The following TYK2 variants were observed in gnomAD, a reference collection of about 807,000 sequenced individuals.
TYK2 encodes the protein tyrosine kinase 2.
A neutral mutation model predicts 130.9 loss-of-function variants in TYK2; 65 were observed. The observed-to-expected ratio is 0.50, with a 90% CI of 0.41 to 0.61. The LOEUF is 0.61. Among genes scored for constraint, TYK2 ranks in the 20% least tolerant of loss-of-function variants. The probability of loss-of-function intolerance (pLI) is 0.00; values close to 1 mark genes in which losing one functional copy is unlikely to be tolerated. For missense variants in TYK2, 1,378 were observed against 1,610.7 expected (o/e 0.86, Z 2.47); for synonymous variants, 647 against 658.9 (o/e 0.98, Z 0.28).
intron 3 of TYK2, among the ~76,000 whole-genome samples, chr19:10,371,281 A>C (rs2041898019): frequency 6.6e-6 from 1 of 151,704 alleles, no homozygotes; most frequent in Non-Finnish European, 1.5e-5. Flanking sequence ...TACAGGCATA[A>C]GCCAGTGTGC....
At chr19:10,352,361 C>T (rs1245388865) in intron 23 of TYK2, 73 bp downstream of exon 23, 2 of 1,047,362 alleles carry the variant, frequency 1.9e-6, no homozygotes, top group Admixed American at 1.7e-5. Flanking sequence ...CTTGAGCCAC[C>T]GCGCCTGGCC....
At position 10,378,292 on chromosome 19, in the gene TYK2, C is replaced by T. The variant is rs201283990; in HGVS notation, c.115G>A (p.Gly39Ser). The change falls in exon 3 of 25, where the codon GGC becomes AGC. Residue 39 changes from glycine to serine, a missense_variant. By Grantham distance (56) the Gly-to-Ser change is moderately conservative. Transcript: ENST00000525621. ...CTGAAAGTGACCCAGGGCTCCCCGC[C>T]GCCTGGACCAGCCCAGTGCAGAAGC... ...KVLLHWAGPG[G>S]GEPWVTFSES... 63 of 1,612,912 alleles carry T rather than the reference C, an allele frequency of 3.9e-5. 3 individuals are homozygous for T. In the Middle Eastern group the frequency reaches 6.6e-4, roughly 17 times the overall value.
Position 10,354,248 on chromosome 19 carries a change from C to G in TYK2, c.2716-14G>C. On this transcript the variant is annotated splice_polypyrimidine_tract_variant and intron_variant, in intron 19 of 24. Coordinates refer to ENST00000525621, the MANE Select transcript of TYK2 (RefSeq NM_003331.5). The stretch of plus-strand genomic sequence containing the variant: ...GCCGAAGTGACCCTGGTCGGGAGCG[C>G]ACGAGGGTCAGCTCCACCTCCCCAA... 1 of 1,609,286 alleles carries G rather than the reference C, an allele frequency of 6.2e-7. No individual in the cohort carries two copies. Among genetic ancestry groups the G allele is most frequent in the Non-Finnish European group, 8.5e-7 (1 of 1,179,910 alleles).
In TYK2 at chr19:10,361,639, C is replaced by A. The variant is rs371170644; in HGVS notation, c.1960-41G>T. 2.3e-4 allele frequency: 358 copies of A among 1,555,902 alleles called. No homozygotes were observed. Among genetic ancestry groups the A allele is most frequent in the Non-Finnish European group, 2.7e-4 (308 of 1,153,010 alleles). The stretch of plus-strand genomic sequence containing the variant: ...AGGTCAGGTGGCTGCAAAGCCGACC[C>A]CTCCCATCCCACCTCCTCCACGGAC... On this transcript the variant is annotated intron_variant, in intron 13 of 24. Transcript: ENST00000525621. The surrounding 1 kb of genome is among the most constrained non-coding windows in gnomAD (Gnocchi z 4.0).
At chr19:10,354,469 C>T (rs756751182) in intron 19 of TYK2, 43 bp downstream of exon 19, 1 of 1,580,934 alleles carries the variant, frequency 6.3e-7, no homozygotes, top group East Asian at 2.2e-5. Flanking sequence ...CAAACTCCTT[C>T]CCGACCAGGC....
chr19:10,365,870 G>A lies in TYK2; in HGVS notation c.658C>T (p.Arg220Cys), dbSNP rs557436288. ...GCGCTGTGCTGCCGGATATGCCGGC[G>A]GAAGGAGCGCGGGATGCAGTCCTTG... ...SFKDCIPRSF[R>C]RHIRQHSALT... The change falls in exon 7 of 25, where the codon CGC becomes TGC. Residue 220 changes from arginine (R) to cysteine (C), a missense_variant. By Grantham distance (180) the Arg-to-Cys change is radical. Transcript: ENST00000525621. The A allele has an allele frequency of 2.0e-5, 32 of 1,611,602 alleles. No individual in the cohort carries two copies. Among genetic ancestry groups the A allele is most frequent in the African/African-American group, 4.0e-5 (3 of 74,924 alleles).
chr19:10,368,529 C>G (rs575878759), intron 3 of TYK2, 111 bp from the exon 4 acceptor site: 34 of 1,518,290 alleles, frequency 2.2e-5, no homozygotes, highest in East Asian at 1.8e-4. Flanking sequence ...CCCCCTCCCC[C>G]ACCTGCAGCT....
Position 10,354,026 on chromosome 19 carries a change from GC to G in TYK2, c.2908+15del. On this transcript the variant is annotated intron_variant, in intron 20 of 24. Transcript: ENST00000525621. ...ACGCCCCCTCAAGTCTCTAGGACTC[GC>G]CGGGTCCCGCCCACCTTGGTCCTCG... 5.6e-6 allele frequency: 9 copies of G among 1,613,360 alleles called. No individual in the cohort carries two copies. The highest frequency in any genetic ancestry group is 7.6e-6 in the Non-Finnish European group (9 of 1,179,686).
At chr19:10,365,124 G>C in intron 7 of TYK2, 76 bp from the exon 8 acceptor site, 2 of 1,457,884 alleles carry the variant, frequency 1.4e-6, no homozygotes, top group Non-Finnish European at 1.8e-6. Flanking sequence ...CCCCTGGGGA[G>C]AGACTGGAGC....
rs760214050 is a variant in TYK2 at position 10,368,426 on chromosome 19, A to C, written c.194-8T>G. ...AGCAAGGAGGAGTGATACCTGGATC[A>C]GGTGAGAAACGAGGTCAGGAGTCAC... On this transcript the variant is annotated splice_polypyrimidine_tract_variant and splice_region_variant and intron_variant, in intron 3 of 24. Coordinates refer to ENST00000525621, the MANE Select transcript of TYK2 (RefSeq NM_003331.5). 1.2e-6 allele frequency: 2 copies of C among 1,614,102 alleles called. No homozygotes were observed. Among genetic ancestry groups the C allele is most frequent in the Non-Finnish European group, 1.7e-6 (2 of 1,179,974 alleles).
intron 9 of TYK2, 35 bp from the exon 10 acceptor site, chr19:10,362,692 T>G (rs1396361913): frequency 6.5e-7 from 1 of 1,532,236 alleles, no homozygotes; most frequent in Admixed American, 2.0e-5. Context: ...TCAGGCCACC[T>G]GGGGCCACTC....
chr19:10,353,657 G>T lies in TYK2; in HGVS notation c.2909-11C>A. 6.8e-7 allele frequency: 1 copy of T among 1,470,246 alleles called. No individual in the cohort carries two copies. The highest frequency in any genetic ancestry group is 2.5e-5 in the Admixed American group (1 of 40,586). 91.1% of individuals were successfully genotyped at this position (1,470,246 alleles called of 1,614,324 possible). ...GCAGCGACTTCTCGCCTGCCGCGGA[G>T]AGGGGCGGCCCCGGTGGGGGACGAT... On this transcript the variant is annotated splice_polypyrimidine_tract_variant and intron_variant, in intron 20 of 24. Coordinates refer to ENST00000525621, the MANE Select transcript of TYK2 (RefSeq NM_003331.5). The surrounding 1 kb of genome is among the most constrained non-coding windows in gnomAD (Gnocchi z 6.9).
rs756742784 is a variant in TYK2, at chr19:10,351,074, C to T, written c.3407G>A (p.Arg1136Gln). Residue 1136 changes from arginine to glutamine, a missense_variant, in exon 24 of 25, where the codon CGG becomes CAG. By Grantham distance (43) the Arg-to-Gln change is conservative. Transcript: ENST00000525621. ...ELLERGERLP[R>Q]PDKCPCEVYH... ...CACCTCACAGGGACATTTGTCGGGC[C>T]GTGGCAGCCTCTCCCCTCGTTCCAG... is the stretch of plus-strand genomic sequence containing the variant. 1.9e-5 allele frequency: 31 copies of T among 1,614,008 alleles called. No individual in the cohort carries two copies. The highest frequency in any genetic ancestry group is 2.5e-5 in the Non-Finnish European group (29 of 1,180,030).
In TYK2 at chr19:10,353,617, A is replaced by C; in HGVS notation, c.2938T>G (p.Tyr980Asp). 3.4e-6 allele frequency: 5 copies of C among 1,474,734 alleles called. No individual in the cohort carries two copies. The highest frequency in any genetic ancestry group is 4.5e-6 in the Non-Finnish European group (5 of 1,111,604). 91.4% of individuals were successfully genotyped at this position (1,474,734 alleles called of 1,614,324 possible). Residue 980 changes from tyrosine to aspartate, a missense_variant, in exon 21 of 25, where the codon TAC becomes GAC. Transcript: ENST00000525621. The surrounding 1 kb of genome is among the most constrained non-coding windows in gnomAD (Gnocchi z 6.9). ...GEKSLQLVME[Y>D]VPLGSLRDYL... Reference sequence around the variant, plus strand: ...TCTCGGAGGCTGCCCAGGGGCACGTACTCCATGACCAGCTGCAGCGACTTC... The same window carrying C: ...TCTCGGAGGCTGCCCAGGGGCACGTCCTCCATGACCAGCTGCAGCGACTTC...
At chr19:10,368,008 C>T in intron 5 of TYK2, 47 bp downstream of exon 5, 2 of 1,611,440 alleles carry the variant, frequency 1.2e-6, no homozygotes, top group South Asian at 1.1e-5. Flanking sequence ...CCTCAACTGC[C>T]CCTAAGTCTC....
intron 3 of TYK2, among the ~76,000 whole-genome samples, chr19:10,373,004 C>T (rs2041979896): frequency 6.6e-6 from 1 of 151,820 alleles, no homozygotes; most frequent in Admixed American, 6.6e-5. Context: ...GCTGGGACTA[C>T]AGGCATGTGC....
At chr19:10,354,744 T>G in intron 18 of TYK2, 135 bp from the exon 19 acceptor site, 1 of 726,964 alleles carries the variant, frequency 1.4e-6, no homozygotes, top group East Asian at 2.7e-5. Flanking sequence ...CTGCAACAGC[T>G]GAAAGAGTCC....
At chr19:10,368,518 G>T in intron 3 of TYK2, 100 bp from the exon 4 acceptor site, 1 of 1,559,182 alleles carries the variant, frequency 6.4e-7, no homozygotes, top group Non-Finnish European at 8.8e-7. Context: ...TCCCTCTGAG[G>T]CCCCCTCCCC....
In TYK2 at chr19:10,353,018, C is replaced by T. The variant is rs779790871; in HGVS notation, c.3108G>A (p.Leu1036=). The change falls in exon 22 of 25, where the codon CTG becomes CTA. Residue 1036 remains leucine, a synonymous_variant. Transcript: ENST00000525621. The surrounding 1 kb of genome is among the most constrained non-coding windows in gnomAD (Gnocchi z 6.9). ...ARNVLLDNDR[L]VKIGDFGLAK... ...CTAGGCCAAAGTCCCCGATCTTGACCAGCCTGTCGTTGTCCAGCAGCACGT... is the reference window on the plus strand; with the variant it reads ...CTAGGCCAAAGTCCCCGATCTTGACTAGCCTGTCGTTGTCCAGCAGCACGT... 3.1e-6 allele frequency: 5 copies of T among 1,604,112 alleles called. No homozygotes were observed. The highest frequency in any genetic ancestry group is 4.3e-6 in the Non-Finnish European group (5 of 1,174,896).
Sources: gnomAD v4.1 joint callset for allele counts (sites outside exome capture counted in the v4.1 genomes callset) on GRCh38, gnomAD v4.1.1 for gene constraint, Gnocchi (gnomAD v3.1) non-coding constraint, MANE v1.5 for transcripts, NCBI Gene and HGNC (gene_info 2026-07-23, HGNC 2026-07-21) for gene names.